Variants in BRIP1 observed in about 807,000 individuals in gnomAD.
BRIP1 encodes the protein BRCA1 interacting DNA helicase 1.
Under a neutral mutation model 119.7 loss-of-function variants are expected in BRIP1, and 88 were observed. The observed-to-expected ratio is 0.74, with a 90% CI of 0.62 to 0.88. BRIP1 has a LOEUF of 0.88. Ranked by LOEUF, BRIP1 falls within the 40% of genes least tolerant of loss-of-function variation. The pLI is 0.00. For missense variants in BRIP1, 1,259 were observed against 1,455.4 expected (o/e 0.87, Z 2.20); for synonymous variants, 443 against 496.5 (o/e 0.89, Z 1.43).
At position 61,713,674 on chromosome 17, in the gene BRIP1, A is replaced by G. The variant is rs2061813998; in HGVS notation, c.2492+2277T>C. Among the ~76,000 whole-genome samples, 1 of 151,860 alleles carries G rather than the reference A, an allele frequency of 6.6e-6. No individual in the cohort carries two copies. The highest frequency in any genetic ancestry group is 6.6e-5 in the Admixed American group (1 of 15,242). ...GTAGCTGGGATTATAGGCACCTGCC[A>G]CCACATCCAGCTAATTTTTGTAGTT... On this transcript the variant is annotated intron_variant, in intron 17 of 19. Coordinates refer to ENST00000259008, the MANE Select transcript of BRIP1 (RefSeq NM_032043.3). The surrounding 1 kb of genome is among the most constrained non-coding windows in gnomAD (Gnocchi z 4.9).
rs1410469070 is a variant in BRIP1 at position 61,730,074 on chromosome 17, G to T, written c.2379+12939C>A. ...AGTAGGAAAATACACTGAGTTATTTGTATAGCTTACTATAGTCACTGACGC... is the reference window on the plus strand; with the variant it reads ...AGTAGGAAAATACACTGAGTTATTTTTATAGCTTACTATAGTCACTGACGC... On this transcript the variant is annotated intron_variant, in intron 16 of 19. Transcript: ENST00000259008. This position sits in a 1 kb window ranked among gnomAD's most constrained non-coding sequence, Gnocchi z 4.3. Among the ~76,000 whole-genome samples the T allele has an allele frequency of 6.6e-6, 1 of 152,200 alleles. No homozygotes were observed. Among genetic ancestry groups the T allele is most frequent in the Non-Finnish European group, 1.5e-5 (1 of 68,028 alleles).
At chr17:61,727,800 A>C (rs2076788171) in intron 16 of BRIP1, among the ~76,000 whole-genome samples, 1 of 150,612 alleles carries the variant, frequency 6.6e-6, no homozygotes, top group Non-Finnish European at 1.5e-5. Flanking sequence ...CTATATATAT[A>C]TATATAATCT....
rs923390277 is a variant in BRIP1, at chr17:61,846,226, T to C, written c.627+875A>G. On this transcript the variant is annotated intron_variant, in intron 6 of 19. Transcript: ENST00000259008. This position sits in a 1 kb window ranked among gnomAD's most constrained non-coding sequence, Gnocchi z 4.3. ...ATAAATTTAAAAAATTATATACATA[T>C]AGAGAGAGAGAGAGAGAAAAAGAGA... Among the ~76,000 whole-genome samples the C allele has an allele frequency of 7.1e-6, 1 of 140,944 alleles. No individual in the cohort carries two copies. The highest frequency in any genetic ancestry group is 2.6e-5 in the African/African-American group (1 of 38,988). The allele number at this position is 140,944 out of a possible 152,430, so 92.5% of individuals were successfully genotyped here.
chr17:61,739,824 A>G lies in BRIP1; in HGVS notation c.2379+3189T>C, dbSNP rs974337781. 2.0e-5 allele frequency among the ~76,000 whole-genome samples: 3 copies of G among 152,180 alleles called. No individual in the cohort carries two copies. Among genetic ancestry groups the G allele is most frequent in the Non-Finnish European group, 2.9e-5 (2 of 68,032 alleles). ...ACTTTCAAATGCCTGTAGGAAGTAAAAGAAAATCCTCCTTGATGAACAATA... is the reference window on the plus strand; with the variant it reads ...ACTTTCAAATGCCTGTAGGAAGTAAGAGAAAATCCTCCTTGATGAACAATA... On this transcript the variant is annotated intron_variant, in intron 16 of 19. Transcript: ENST00000259008. The surrounding 1 kb of genome is among the most constrained non-coding windows in gnomAD (Gnocchi z 6.0).
Position 61,853,837 on chromosome 17 carries a change from G to A in BRIP1, c.379+3221C>T, listed in dbSNP as rs921909180. ...TTTAAAGAAGTCTCAAAATTTAACA[G>A]TAAGAACACAAACTAATAAAAAATA... On this transcript the variant is annotated intron_variant, in intron 4 of 19. Coordinates refer to ENST00000259008, the MANE Select transcript of BRIP1 (RefSeq NM_032043.3). This position sits in a 1 kb window ranked among gnomAD's most constrained non-coding sequence, Gnocchi z 4.3. 2.6e-5 allele frequency among the ~76,000 whole-genome samples: 4 copies of A among 152,056 alleles called. No homozygotes were observed. Among genetic ancestry groups the A allele is most frequent in the African/African-American group, 9.7e-5 (4 of 41,400 alleles).
Position 61,805,141 on chromosome 17 carries a change from C to T in BRIP1, c.918+3326G>A, listed in dbSNP as rs1386122207. ...AAAAGGAGAATCCGTGTTTTCAAAACATACATACATCAATACATACACAAA... is the reference window on the plus strand; with the variant it reads ...AAAAGGAGAATCCGTGTTTTCAAAATATACATACATCAATACATACACAAA... On this transcript the variant is annotated intron_variant, in intron 7 of 19. Coordinates refer to ENST00000259008, the MANE Select transcript of BRIP1 (RefSeq NM_032043.3). This position sits in a 1 kb window ranked among gnomAD's most constrained non-coding sequence, Gnocchi z 5.6. Among the ~76,000 whole-genome samples, 3 of 152,032 alleles carry T rather than the reference C, an allele frequency of 2.0e-5. No homozygotes were observed. The highest frequency in any genetic ancestry group is 2.0e-4 in the Admixed American group (3 of 15,246).
rs1484552579 is a variant in BRIP1, at chr17:61,843,147, G to A, written c.627+3954C>T. Among the ~76,000 whole-genome samples the A allele has an allele frequency of 2.6e-5, 4 of 152,116 alleles. No homozygotes were observed. Among genetic ancestry groups the A allele is most frequent in the African/African-American group, 4.8e-5 (2 of 41,426 alleles). On this transcript the variant is annotated intron_variant, in intron 6 of 19. Coordinates refer to ENST00000259008, the MANE Select transcript of BRIP1 (RefSeq NM_032043.3). This position sits in a 1 kb window ranked among gnomAD's most constrained non-coding sequence, Gnocchi z 5.7. ...AAATACTACATGATCTCACTTATAC[G>A]TGGAATCTAAAAAAGTCAAATACAT...
In BRIP1 at chr17:61,721,000, C is replaced by A. The variant is rs1417966992; in HGVS notation, c.2380-4937G>T. Among the ~76,000 whole-genome samples the A allele has an allele frequency of 1.3e-5, 2 of 151,932 alleles. No individual in the cohort carries two copies. The highest frequency in any genetic ancestry group is 1.3e-4 in the Admixed American group (2 of 15,248). On this transcript the variant is annotated intron_variant, in intron 16 of 19. Coordinates refer to ENST00000259008, the MANE Select transcript of BRIP1 (RefSeq NM_032043.3). This position sits in a 1 kb window ranked among gnomAD's most constrained non-coding sequence, Gnocchi z 4.3. ...GGGACTACAGGCGGCCGCCACCATG[C>A]CTAGCTAATTTTTGTATTTTTAGTA...
In BRIP1 at chr17:61,684,036, T is replaced by G; in HGVS notation, c.3010A>C (p.Ser1004Arg). ...NKQTKRVSWSSFNSLGQYFTG... is the reference protein window; with the variant it reads ...NKQTKRVSWSRFNSLGQYFTG... ...AAATACTGTCCCAAAGAATTAAAGC[T>G]TGACCAGCTAACTCTCTTTGTTTGT... is the stretch of plus-strand genomic sequence containing the variant. Residue 1004 changes from serine (S) to arginine (R), a missense_variant, in exon 20 of 20, where the codon AGC becomes CGC. Physicochemically the swap from Ser to Arg is moderately radical, Grantham distance 110. Transcript: ENST00000259008. The surrounding 1 kb of genome is among the most constrained non-coding windows in gnomAD (Gnocchi z 4.5). 1 of 1,614,080 alleles carries G rather than the reference T, an allele frequency of 6.2e-7. No individual in the cohort carries two copies. Among genetic ancestry groups the G allele is most frequent in the Non-Finnish European group, 8.5e-7 (1 of 1,179,978 alleles).
intron 10 of BRIP1, among the ~76,000 whole-genome samples, chr17:61,792,626 G>A (rs1266412158): frequency 6.6e-5 from 10 of 152,118 alleles, no homozygotes; most frequent in African/African-American, 2.4e-4. Flanking sequence ...AAACAATGGA[G>A]TTAGTAAAAA....
intron 14 of BRIP1, among the ~76,000 whole-genome samples, chr17:61,763,661 A>C (rs2077310264): frequency 1.3e-5 from 2 of 152,128 alleles, no homozygotes; most frequent in African/African-American, 4.8e-5. Flanking sequence ...CTTTTGAAAG[A>C]CTTTTCAAAA....
rs2077846066 is a variant in BRIP1, at chr17:61,793,234, T to C, written c.1473+363A>G. On this transcript the variant is annotated intron_variant, in intron 10 of 19. Transcript: ENST00000259008. The surrounding 1 kb of genome is among the most constrained non-coding windows in gnomAD (Gnocchi z 5.2). Reference sequence around the variant, plus strand: ...GATCTCTCCATGAATATCAGGTTTATAATTTCTAAATTAAGATGAACAAAA... The same window carrying C: ...GATCTCTCCATGAATATCAGGTTTACAATTTCTAAATTAAGATGAACAAAA... Among the ~76,000 whole-genome samples the C allele has an allele frequency of 6.6e-6, 1 of 152,100 alleles. No homozygotes were observed. The highest frequency in any genetic ancestry group is 2.4e-5 in the African/African-American group (1 of 41,446).
chr17:61,851,231 A>T lies in BRIP1; in HGVS notation c.380-1975T>A, dbSNP rs2078817996. Among the ~76,000 whole-genome samples the T allele has an allele frequency of 6.6e-6, 1 of 152,180 alleles. No individual in the cohort carries two copies. The highest frequency in any genetic ancestry group is 2.4e-5 in the African/African-American group (1 of 41,452). ...TGACAGAACGAGACTCCATCTCAAA[A>T]AAAGAAAAAAAAAGAAATGTTGCTT... On this transcript the variant is annotated intron_variant, in intron 4 of 19. Coordinates refer to ENST00000259008, the MANE Select transcript of BRIP1 (RefSeq NM_032043.3). The surrounding 1 kb of genome is among the most constrained non-coding windows in gnomAD (Gnocchi z 4.6).
chr17:61,689,939 G>T lies in BRIP1; in HGVS notation c.2575+3491C>A, dbSNP rs1266301420. The stretch of plus-strand genomic sequence containing the variant: ...GAGGATCACTTGAGCCTGGGAGGCT[G>T]AGGCTGCAGTGAGTCATGATCATGC... On this transcript the variant is annotated intron_variant, in intron 18 of 19. Coordinates refer to ENST00000259008, the MANE Select transcript of BRIP1 (RefSeq NM_032043.3). The surrounding 1 kb of genome is among the most constrained non-coding windows in gnomAD (Gnocchi z 4.5). Among the ~76,000 whole-genome samples the T allele has an allele frequency of 6.6e-6, 1 of 152,224 alleles. No homozygotes were observed. The highest frequency in any genetic ancestry group is 2.4e-5 in the African/African-American group (1 of 41,464).
Position 61,703,958 on chromosome 17 carries a change from C to G in BRIP1, c.2493-10446G>C, listed in dbSNP as rs1160500392. On this transcript the variant is annotated intron_variant, in intron 17 of 19. Transcript: ENST00000259008. The surrounding 1 kb of genome is among the most constrained non-coding windows in gnomAD (Gnocchi z 5.0). Reference sequence around the variant, plus strand: ...AATCTGATGTTTAGAACAGTATTTCCTAGGTTTTCTTCTAGGATTTTTATA... The same window carrying G: ...AATCTGATGTTTAGAACAGTATTTCGTAGGTTTTCTTCTAGGATTTTTATA... Among the ~76,000 whole-genome samples, 2 of 152,048 alleles carry G rather than the reference C, an allele frequency of 1.3e-5. No homozygotes were observed. Among genetic ancestry groups the G allele is most frequent in the African/African-American group, 4.8e-5 (2 of 41,404 alleles).
intron 14 of BRIP1, among the ~76,000 whole-genome samples, chr17:61,773,163 A>G (rs1015771): frequency 0.75 from 114,037 of 151,894 alleles, 43,209 homozygotes; most frequent in East Asian, 0.82. Context: ...CAAATCAATT[A>G]AAAAGACAAA....
intron 6 of BRIP1, among the ~76,000 whole-genome samples, chr17:61,818,476 C>A (rs2078271008): frequency 6.6e-6 from 1 of 152,082 alleles, no homozygotes; most frequent in Non-Finnish European, 1.5e-5. Context: ...AGAAAATAGG[C>A]CACATCATTT....
chr17:61,823,691 T>C lies in BRIP1; in HGVS notation c.628-14934A>G, dbSNP rs934465557. ...AAATATTTTTAAATGGCTCAAATTG[T>C]TCATAATTTGATGAAAACTATAAAA... On this transcript the variant is annotated intron_variant, in intron 6 of 19. Coordinates refer to ENST00000259008, the MANE Select transcript of BRIP1 (RefSeq NM_032043.3). This position sits in a 1 kb window ranked among gnomAD's most constrained non-coding sequence, Gnocchi z 4.8. Among the ~76,000 whole-genome samples, 7 of 151,926 alleles carry C rather than the reference T, an allele frequency of 4.6e-5. No individual in the cohort carries two copies. Among genetic ancestry groups the C allele is most frequent in the African/African-American group, 1.5e-4 (6 of 41,342 alleles).
chr17:61,681,548 T>C lies in BRIP1; in HGVS notation c.*1748A>G, dbSNP rs1431827177. 4.8e-6 allele frequency: 1 copy of C among 206,720 alleles called. No homozygotes were observed. The highest frequency in any genetic ancestry group is 9.9e-6 in the Non-Finnish European group (1 of 101,110). The allele number at this position is 206,720 out of a possible 1,614,324, so 12.8% of individuals were successfully genotyped here. A position where few individuals can be genotyped will look rare whatever the true frequency, so the allele number is the denominator to read the frequency against. On this transcript the variant is annotated 3_prime_UTR_variant, in exon 20 of 20. Coordinates refer to ENST00000259008, the MANE Select transcript of BRIP1 (RefSeq NM_032043.3). The surrounding 1 kb of genome is among the most constrained non-coding windows in gnomAD (Gnocchi z 5.1). ...ATTTATTCGTTTCACTACCCTACTATCCCTATCTGTGGTTTAAGAATAATA... is the reference window on the plus strand; with the variant it reads ...ATTTATTCGTTTCACTACCCTACTACCCCTATCTGTGGTTTAAGAATAATA...
Sources: gnomAD v4.1 joint callset for allele counts (sites outside exome capture counted in the v4.1 genomes callset) on GRCh38, gnomAD v4.1.1 for gene constraint, Gnocchi (gnomAD v3.1) non-coding constraint, MANE v1.5 for transcripts, NCBI Gene and HGNC (gene_info 2026-07-23, HGNC 2026-07-21) for gene names.